GNAT3: variants seen among roughly 807,000 people sequenced by gnomAD.
GNAT3 encodes G protein subunit alpha transducin 3.
A neutral mutation model predicts 37.7 loss-of-function variants in GNAT3; 31 were observed. That is an observed-to-expected ratio of 0.82 (90% CI 0.62 to 1.11). The LOEUF is 1.11. GNAT3 is among the 50% of genes most tolerant of loss of function. The pLI is 0.00. For missense variants in GNAT3, 437 were observed against 412.5 expected (o/e 1.06, Z -0.51); for synonymous variants, 138 against 139.8 (o/e 0.99, Z 0.09).
At position 80,492,343 on chromosome 7, in the gene GNAT3, CAAATAAATAAATT is replaced by C. The variant is rs1006301721; in HGVS notation, c.161+2249_161+2261del. On this transcript the variant is annotated intron_variant, in intron 2 of 7. Coordinates refer to ENST00000398291, the MANE Select transcript of GNAT3 (RefSeq NM_001102386.3). Reference sequence around the variant, plus strand: ...TAGGCGACAGAGCGAGACCCTTTCTCAAATAAATAAATTAAATAAATAAATAAAATAAAATAAA... The same window carrying C: ...TAGGCGACAGAGCGAGACCCTTTCTCAAATAAATAAATAAAATAAAATAAA... Among the ~76,000 whole-genome samples the C allele has an allele frequency of 2.7e-5, 4 of 147,762 alleles. No homozygotes were observed. In the East Asian group the frequency reaches 7.7e-4, roughly 28 times the overall value.
intron 1 of GNAT3, among the ~76,000 whole-genome samples, chr7:80,500,740 G>A (rs968558926): frequency 2.6e-5 from 4 of 152,006 alleles, no homozygotes; most frequent in African/African-American, 9.7e-5. Context: ...ATCAGGAATT[G>A]ATAAGGAATT....
At chr7:80,478,006 G>T (rs1039031665) in intron 4 of GNAT3, among the ~76,000 whole-genome samples, 5 of 152,162 alleles carry the variant, frequency 3.3e-5, no homozygotes, top group Non-Finnish European at 7.3e-5. Flanking sequence ...GACCTCCTGC[G>T]CTCAAGCAAT....
intron 3 of GNAT3, among the ~76,000 whole-genome samples, chr7:80,479,710 C>CAA (rs56730701): frequency 0.17 from 13,383 of 79,162 alleles, 1,300 homozygotes; most frequent in African/African-American, 0.29. Flanking sequence ...GACCCTGTCT[C>CAA]AAAAAAAAAA....
chr7:80,462,377 A>G, intron 6 of GNAT3, 65 bp from the exon 7 acceptor site: 1 of 1,559,604 alleles, frequency 6.4e-7, no homozygotes, highest in Non-Finnish European at 8.8e-7. Context: ...GTTGAGCATC[A>G]TGAACAAGGA....
intron 4 of GNAT3, among the ~76,000 whole-genome samples, chr7:80,475,554 A>G (rs1367406788): frequency 6.6e-6 from 1 of 152,142 alleles, no homozygotes; most frequent in Non-Finnish European, 1.5e-5. Context: ...TTATAGAAAG[A>G]TAAGATTCAA....
rs145881111 is a variant in GNAT3 at position 80,497,566 on chromosome 7, G to A, written c.119-2919C>T. On this transcript the variant is annotated intron_variant, in intron 1 of 7. Transcript: ENST00000398291. ...TACACATATACGTATATACATATACGTATATACATATACGTATATACATAT... is the reference window on the plus strand; with the variant it reads ...TACACATATACGTATATACATATACATATATACATATACGTATATACATAT... 1.9e-3 allele frequency among the ~76,000 whole-genome samples: 263 copies of A among 136,680 alleles called. 3 individuals carry two copies. In the East Asian group the frequency reaches 0.035, roughly 18 times the overall value. 89.7% of individuals were successfully genotyped at this position (136,680 alleles called of 152,430 possible).
At chr7:80,481,025 T>G (rs1375117485) in intron 3 of GNAT3, among the ~76,000 whole-genome samples, 4 of 152,144 alleles carry the variant, frequency 2.6e-5, no homozygotes, top group African/African-American at 9.7e-5. Flanking sequence ...GCTTTTCTGA[T>G]ACAACTCAGC....
intron 3 of GNAT3, 51 bp from the exon 4 acceptor site, chr7:80,479,049 T>C: frequency 4.8e-6 from 6 of 1,249,988 alleles, no homozygotes; most frequent in Non-Finnish European, 6.6e-6. Context: ...GAATCACATA[T>C]TCTATTTTCT....
At chr7:80,471,735 A>G (rs1220164420) in intron 5 of GNAT3, among the ~76,000 whole-genome samples, 1 of 152,134 alleles carries the variant, frequency 6.6e-6, no homozygotes, top group Admixed American at 6.6e-5. Context: ...GTCTTTGAAG[A>G]CAGAAAGATA....
chr7:80,460,927 C>T (rs976888463), intron 7 of GNAT3, among the ~76,000 whole-genome samples: 2 of 151,874 alleles, frequency 1.3e-5, no homozygotes, highest in Non-Finnish European at 1.5e-5. Flanking sequence ...TCTGTTGAAA[C>T]ATTTCATTTC....
Position 80,459,131 on chromosome 7 carries a change from C to T in GNAT3, c.875-270G>A, listed in dbSNP as rs928445668. Reference sequence around the variant, plus strand: ...AAACAAAGTGAGTGATACAAACTTACGTATACATCAAACACTGTGTGTGTG... The same window carrying T: ...AAACAAAGTGAGTGATACAAACTTATGTATACATCAAACACTGTGTGTGTG... On this transcript the variant is annotated intron_variant, in intron 7 of 7. Transcript: ENST00000398291. 7.2e-5 allele frequency among the ~76,000 whole-genome samples: 11 copies of T among 151,876 alleles called. 1 individual carries two copies. The highest frequency in any genetic ancestry group is 5.8e-4 in the East Asian group (3 of 5,176).
chr7:80,490,487 C>G (rs1247561791), intron 2 of GNAT3, among the ~76,000 whole-genome samples: 2 of 152,120 alleles, frequency 1.3e-5, no homozygotes, highest in Non-Finnish European at 2.9e-5. Context: ...GTGATAAACT[C>G]TACTAGGTGT....
At chr7:80,494,715 C>T (rs1239084897) in intron 1 of GNAT3, 68 bp from the exon 2 acceptor site, 3 of 906,096 alleles carry the variant, frequency 3.3e-6, no homozygotes, top group Non-Finnish European at 5.2e-6. Context: ...AAAACTATCA[C>T]TTTTCATGGA....
intron 3 of GNAT3, among the ~76,000 whole-genome samples, chr7:80,479,501 C>T (rs745906593): frequency 3.3e-5 from 5 of 151,830 alleles, no homozygotes; most frequent in Non-Finnish European, 5.9e-5. Flanking sequence ...GGGTAGATCA[C>T]TTGAGCCCAG....
At chr7:80,477,033 T>C (rs1445943484) in intron 4 of GNAT3, among the ~76,000 whole-genome samples, 1 of 152,104 alleles carries the variant, frequency 6.6e-6, no homozygotes, top group Non-Finnish European at 1.5e-5. Flanking sequence ...TTGATATTGT[T>C]TAATTGTTTT....
chr7:80,495,511 C>T (rs898535407), intron 1 of GNAT3, among the ~76,000 whole-genome samples: 1 of 151,708 alleles, frequency 6.6e-6, no homozygotes, highest in Non-Finnish European at 1.5e-5. Flanking sequence ...CACTCTGTCA[C>T]CAGGCTGGAG....
At chr7:80,474,462 C>CAT (rs151055526) in intron 4 of GNAT3, 83 bp from the exon 5 acceptor site, 10,656 of 561,588 alleles carry the variant, frequency 0.019, 893 homozygotes, top group African/African-American at 0.19. Context: ...CACATACATA[C>CAT]ATATATATGT....
intron 5 of GNAT3, among the ~76,000 whole-genome samples, chr7:80,467,721 C>G (rs1255844361): frequency 6.6e-6 from 1 of 151,958 alleles, no homozygotes; most frequent in Admixed American, 6.6e-5. Flanking sequence ...TTTATTGTGA[C>G]CATTCTGTGA....
At chr7:80,495,916 T>C (rs1252994324) in intron 1 of GNAT3, among the ~76,000 whole-genome samples, 1 of 152,200 alleles carries the variant, frequency 6.6e-6, no homozygotes, top group Non-Finnish European at 1.5e-5. Context: ...TTTTTCTCGT[T>C]GAGTTGTTTG....
Sources: gnomAD v4.1 joint callset for allele counts (sites outside exome capture counted in the v4.1 genomes callset) on GRCh38, gnomAD v4.1.1 for gene constraint, MANE v1.5 for transcripts, NCBI Gene and HGNC (gene_info 2026-07-23, HGNC 2026-07-21) for gene names.